DNAH11: variants seen among roughly 807,000 people sequenced by gnomAD.
DNAH11 encodes dynein axonemal heavy chain 11, also known as axonemal beta dynein heavy chain 11.
Under a neutral mutation model 526.0 loss-of-function variants are expected in DNAH11, and 442 were observed. That is an observed-to-expected ratio of 0.84 (90% CI 0.78 to 0.91). The LOEUF is 0.91. DNAH11 is among the 40% of genes least tolerant of loss of function. The pLI, the probability that DNAH11 is intolerant of heterozygous loss-of-function variation, is 0.00. For missense variants in DNAH11, 6,989 were observed against 5,448.7 expected (o/e 1.28, Z -8.90); for synonymous variants, 2,461 against 1,935.9 (o/e 1.27, Z -7.12).
intron 45 of DNAH11, among the ~76,000 whole-genome samples, chr7:21,734,386 A>G (rs1249540193): frequency 3.3e-5 from 5 of 152,246 alleles, no homozygotes; most frequent in African/African-American, 1.2e-4. Context: ...AAATGATGAC[A>G]ACTAGCAGCA....
chr7:21,594,756 G>T (rs528555920), intron 14 of DNAH11, among the ~76,000 whole-genome samples: 6 of 152,200 alleles, frequency 3.9e-5, no homozygotes, highest in East Asian at 1.9e-4. Context: ...GGAGTAGAGG[G>T]AGCTGAGTGG....
At chr7:21,749,868 C>T (rs1281044411) in intron 53 of DNAH11, 67 bp downstream of exon 53, 6 of 1,595,926 alleles carry the variant, frequency 3.8e-6, no homozygotes, top group African/African-American at 2.7e-5. Flanking sequence ...TTTCAGTGAA[C>T]TTTAAAGAGA....
At chr7:21,675,719 A>T (rs1014027332) in intron 30 of DNAH11, among the ~76,000 whole-genome samples, 3 of 152,170 alleles carry the variant, frequency 2.0e-5, no homozygotes, top group East Asian at 1.9e-4. Flanking sequence ...CACATGCTTT[A>T]TGCTGGCCGC....
chr7:21,684,637 C>G (rs1278345386), intron 32 of DNAH11, among the ~76,000 whole-genome samples: 1 of 152,140 alleles, frequency 6.6e-6, no homozygotes, highest in Non-Finnish European at 1.5e-5. Context: ...CAGGCAAGAG[C>G]AAGGACAAAG....
At chr7:21,637,799 A>C in intron 27 of DNAH11, 97 bp downstream of exon 27, 6 of 629,060 alleles carry the variant, frequency 9.5e-6, no homozygotes. Context: ...ATGGAGGTGC[A>C]ACCTCTACTA....
intron 54 of DNAH11, among the ~76,000 whole-genome samples, chr7:21,757,214 G>C (rs1383754907): frequency 1.3e-5 from 2 of 152,094 alleles, no homozygotes; most frequent in African/African-American, 4.8e-5. Context: ...CCTACATCTT[G>C]GGACAGCCAT....
At chr7:21,806,067 GAATAA>G (rs1562557405) in intron 62 of DNAH11, among the ~76,000 whole-genome samples, 1 of 152,156 alleles carries the variant, frequency 6.6e-6, no homozygotes, top group East Asian at 1.9e-4. Context: ...TAATGCATTA[GAATAA>G]AATTATAGTG....
chr7:21,701,770 A>G (rs1199769580), intron 36 of DNAH11, among the ~76,000 whole-genome samples: 1 of 152,194 alleles, frequency 6.6e-6, no homozygotes, highest in Admixed American at 6.5e-5. Flanking sequence ...ATATTAATTC[A>G]CTTTACTCCT....
At chr7:21,798,865 ATTG>A (rs1216344808) in intron 61 of DNAH11, among the ~76,000 whole-genome samples, 5 of 151,756 alleles carry the variant, frequency 3.3e-5, no homozygotes, top group Admixed American at 6.5e-5. Flanking sequence ...TTTTGTTAAT[ATTG>A]TTATTTTAAT....
chr7:21,874,528 G>A (rs1008768212), intron 74 of DNAH11, among the ~76,000 whole-genome samples: 4 of 151,904 alleles, frequency 2.6e-5, no homozygotes, highest in Non-Finnish European at 4.4e-5. Flanking sequence ...TAGAGACAGG[G>A]TTTCATCATG....
intron 30 of DNAH11, among the ~76,000 whole-genome samples, chr7:21,677,183 C>T (rs1782928957): frequency 1.4e-5 from 2 of 146,958 alleles, no homozygotes. Context: ...ATTCACTTTA[C>T]TGTGCTTTGC....
In DNAH11 at chr7:21,683,925, A is replaced by T. The variant is rs754769020; in HGVS notation, c.5602A>T (p.Ile1868Phe). 6.2e-7 allele frequency: 1 copy of T among 1,613,526 alleles called. No individual in the cohort carries two copies. Among genetic ancestry groups the T allele is most frequent in the Admixed American group, 1.7e-5 (1 of 59,994 alleles). ...CTTAGGAAACAGCCCTCGACTAGTG[A>T]TCACTCCTCTAACTGACAGGTAACA... ...EYLGNSPRLV[I>F]TPLTDRCYIT... The change falls in exon 32 of 82, where the codon ATC becomes TTC. Residue 1868 changes from isoleucine (I) to phenylalanine (F), a missense_variant. Coordinates refer to ENST00000409508, the MANE Select transcript of DNAH11 (RefSeq NM_001277115.2).
intron 61 of DNAH11, among the ~76,000 whole-genome samples, chr7:21,790,204 T>C (rs1788417281): frequency 6.6e-6 from 1 of 152,052 alleles, no homozygotes; most frequent in Non-Finnish European, 1.5e-5. Flanking sequence ...CCCAGCACTT[T>C]GGGAGGCCAA....
chr7:21,580,526 A>G (rs933168142), intron 8 of DNAH11, among the ~76,000 whole-genome samples: 4 of 152,212 alleles, frequency 2.6e-5, no homozygotes, highest in African/African-American at 9.6e-5. Flanking sequence ...TAAACTGGGT[A>G]GCTTATAAAC....
chr7:21,720,826 G>C lies in DNAH11; in HGVS notation c.7236G>C (p.Trp2412Cys). ...TCTATTTTGTATTTGCTTGTATCTGGGCTTTTGGAGGCACCCTGCTACAAG... is the reference window on the plus strand; with the variant it reads ...TCTATTTTGTATTTGCTTGTATCTGCGCTTTTGGAGGCACCCTGCTACAAG... ...YEVYFVFACIWAFGGTLLQDQ... is the reference protein window; with the variant it reads ...YEVYFVFACICAFGGTLLQDQ... Residue 2412 changes from tryptophan to cysteine, a missense_variant, in exon 44 of 82, where the codon TGG becomes TGC. By Grantham distance (215) the Trp-to-Cys change is radical. Transcript: ENST00000409508. The C allele has an allele frequency of 6.2e-7, 1 of 1,612,902 alleles. No homozygotes were observed. The highest frequency in any genetic ancestry group is 8.5e-7 in the Non-Finnish European group (1 of 1,179,466).
rs907233044 is a variant in DNAH11 at position 21,702,791 on chromosome 7, C to T, written c.6262C>T (p.Pro2088Ser). 1 of 1,612,584 alleles carries T rather than the reference C, an allele frequency of 6.2e-7. No homozygotes were observed. The highest frequency in any genetic ancestry group is 1.3e-5 in the African/African-American group (1 of 74,848). ...TCTGAAACGAGGAGATAAAAATAGA[C>T]CCGAAGATCAGGTACTGCAATGCTA... Reference protein sequence around the residue: ...GSLKRGDKNRPEDQVLMRALR... With the variant: ...GSLKRGDKNRSEDQVLMRALR... The change falls in exon 37 of 82, where the codon CCC becomes TCC. Residue 2088 changes from proline to serine, a missense_variant. Physicochemically the swap from Pro to Ser is moderately conservative, Grantham distance 74. Coordinates refer to ENST00000409508, the MANE Select transcript of DNAH11 (RefSeq NM_001277115.2).
At chr7:21,858,019 A>C (rs983891696) in intron 68 of DNAH11, among the ~76,000 whole-genome samples, 1 of 152,180 alleles carries the variant, frequency 6.6e-6, no homozygotes, top group African/African-American at 2.4e-5. Flanking sequence ...TTCTCAATAC[A>C]TATATATAAA....
intron 8 of DNAH11, among the ~76,000 whole-genome samples, chr7:21,580,978 A>G (rs987445759): frequency 6.6e-6 from 1 of 152,188 alleles, no homozygotes; most frequent in Admixed American, 6.5e-5. Context: ...TTTGTCACCT[A>G]TAATGCACAA....
At chr7:21,685,731 G>T (rs894404974) in intron 32 of DNAH11, among the ~76,000 whole-genome samples, 5 of 152,148 alleles carry the variant, frequency 3.3e-5, no homozygotes, top group Non-Finnish European at 7.3e-5. Flanking sequence ...ACACAGAAGT[G>T]GGTATCTCAC....
Sources: allele counts gnomAD v4.1 joint callset (sites outside exome capture counted in the v4.1 genomes callset), GRCh38; gene constraint gnomAD v4.1.1; transcripts MANE v1.5; gene names NCBI Gene and HGNC (gene_info 2026-07-23, HGNC 2026-07-21).